TLK2: variants seen among roughly 807,000 people sequenced by gnomAD.
TLK2 encodes tousled like kinase 2, also known as serine/threonine-protein kinase tousled-like 2.
TLK2 carries 6 observed loss-of-function variants against 117.3 expected under a neutral mutation model. That is an observed-to-expected ratio of 0.05 (90% confidence interval 0.03 to 0.10). The LOEUF (loss-of-function observed/expected upper bound fraction) is 0.10, where lower values mean the gene tolerates loss of function less well. Ranked by LOEUF, TLK2 falls within the 10% of genes least tolerant of loss-of-function variation. TLK2 has a pLI of 1.00. For synonymous variants in TLK2, 257 were observed against 316.7 expected, an observed-to-expected ratio of 0.81 and a Z score of 2.00; for missense variants, 299 against 901.2, an observed-to-expected ratio of 0.33 and a Z score of 8.56.
At chr17:62,549,190 G>A (rs1243188554) in intron 7 of TLK2, among the ~76,000 whole-genome samples, 3 of 147,436 alleles carry the variant, frequency 2.0e-5, no homozygotes, top group African/African-American at 4.9e-5. Flanking sequence ...TCAGGAGATC[G>A]AAACCATCCT....
At chr17:62,555,536 G>A (rs1383681183) in intron 9 of TLK2, among the ~76,000 whole-genome samples, 3 of 147,822 alleles carry the variant, frequency 2.0e-5, no homozygotes, top group Non-Finnish European at 4.5e-5. Context: ...AGGCTGAAGT[G>A]CAGTGGCGTG....
At position 62,613,608 on chromosome 17, in the gene TLK2, CT is replaced by C. The variant is rs2083935999; in HGVS notation, c.*1045del. The C allele has an allele frequency of 1.3e-5, 2 of 152,498 alleles. No homozygotes were observed. Among genetic ancestry groups the C allele is most frequent in the South Asian group, 4.1e-4 (2 of 4,826 alleles). The allele number at this position is 152,498 out of a possible 1,614,324, so 9.4% of individuals were successfully genotyped here. A position where few individuals can be genotyped will look rare whatever the true frequency, so the allele number is the denominator to read the frequency against. On this transcript the variant is annotated 3_prime_UTR_variant, in exon 22 of 22. Transcript: ENST00000346027. ...AGTTCCTACCCATAGTCTTTGTGTG[CT>C]TGCTAAATGGTGTACATTTCTTGTT... is the stretch of plus-strand genomic sequence containing the variant.
At chr17:62,574,522 TG>T (rs1488198329) in intron 12 of TLK2, 23 of 602,940 alleles carry the variant, frequency 3.8e-5, no homozygotes, top group African/African-American at 9.1e-5. Context: ...TTGTTGTTGT[TG>T]TTTTTTTTTT....
At chr17:62,565,731 TA>T (rs1037718362) in intron 11 of TLK2, among the ~76,000 whole-genome samples, 12 of 151,502 alleles carry the variant, frequency 7.9e-5, no homozygotes, top group Non-Finnish European at 1.6e-4. Flanking sequence ...AAGAAAAACC[TA>T]GGGTTTGACT....
chr17:62,557,068 G>T, intron 9 of TLK2, among the ~76,000 whole-genome samples: 1 of 152,170 alleles, frequency 6.6e-6, no homozygotes, highest in East Asian at 1.9e-4. Context: ...GGGACTACAG[G>T]CATGTGCCAC....
At chr17:62,524,777 G>GA (rs2076264542) in intron 6 of TLK2, among the ~76,000 whole-genome samples, 1 of 152,206 alleles carries the variant, frequency 6.6e-6, no homozygotes, top group Non-Finnish European at 1.5e-5. Flanking sequence ...CTGTAAAAGA[G>GA]ATCTGAAGGT....
chr17:62,525,418 C>CT (rs1304653760), intron 6 of TLK2, among the ~76,000 whole-genome samples: 1 of 151,296 alleles, frequency 6.6e-6, no homozygotes, highest in Non-Finnish European at 1.5e-5. Context: ...GAAGTTTTGG[C>CT]TATTACTGTG....
At chr17:62,528,342 T>C (rs940869039) in intron 6 of TLK2, among the ~76,000 whole-genome samples, 8 of 152,240 alleles carry the variant, frequency 5.3e-5, no homozygotes, top group Non-Finnish European at 1.5e-5. Context: ...AAAGTTTTCA[T>C]GCAGGAGTTG....
chr17:62,538,584 T>C (rs1476022706), intron 7 of TLK2, among the ~76,000 whole-genome samples: 1 of 152,226 alleles, frequency 6.6e-6, no homozygotes, highest in Non-Finnish European at 1.5e-5. Context: ...GTATGTAGGC[T>C]TGTGGTGGAT....
intron 7 of TLK2, among the ~76,000 whole-genome samples, chr17:62,538,033 G>GTTTTTTTT (rs57512334): frequency 2.7e-4 from 29 of 106,180 alleles, no homozygotes; most frequent in South Asian, 3.6e-4. Context: ...TTAAATCTTT[G>GTTTTTTTT]TTTTTTTTTT....
intron 2 of TLK2, among the ~76,000 whole-genome samples, chr17:62,482,625 A>G (rs28484967): frequency 2.0e-5 from 3 of 151,068 alleles, no homozygotes; most frequent in African/African-American, 7.3e-5. Context: ...AATTTTTTTT[A>G]TTTTTAGTAG....
chr17:62,493,424 T>C (rs560809072), intron 2 of TLK2, among the ~76,000 whole-genome samples: 1 of 152,312 alleles, frequency 6.6e-6, no homozygotes, highest in South Asian at 2.1e-4. Flanking sequence ...TTGTGAATAG[T>C]GCTATGAAAA....
intron 2 of TLK2, among the ~76,000 whole-genome samples, chr17:62,515,161 C>G (rs573460091): frequency 3.3e-5 from 5 of 152,302 alleles, no homozygotes; most frequent in African/African-American, 1.2e-4. Context: ...ATAATGTTCT[C>G]AGGGCTTATC....
chr17:62,557,199 A>G (rs2078923945), intron 9 of TLK2, among the ~76,000 whole-genome samples: 1 of 152,204 alleles, frequency 6.6e-6, no homozygotes. Flanking sequence ...TGCTGGGATA[A>G]CAGACGTGAG....
At chr17:62,591,641 AG>A (rs1335741760) in intron 16 of TLK2, among the ~76,000 whole-genome samples, 1 of 152,208 alleles carries the variant, frequency 6.6e-6, no homozygotes, top group African/African-American at 2.4e-5. Flanking sequence ...AATGGCCAAA[AG>A]TGGCAGCTTG....
intron 17 of TLK2, chr17:62,597,306 C>T (rs895131492): frequency 1.3e-5 from 2 of 152,220 alleles, no homozygotes; most frequent in Admixed American, 1.3e-4. Context: ...ATGGTGTTGT[C>T]AAATTTCATC....
Position 62,596,648 on chromosome 17 carries a change from T to C in TLK2, c.1524T>C (p.Tyr508=). The C allele has an allele frequency of 6.2e-7, 1 of 1,614,188 alleles. No individual in the cohort carries two copies. Among genetic ancestry groups the C allele is most frequent in the Non-Finnish European group, 8.5e-7 (1 of 1,180,016 alleles). ...ELDHPRIVKL[Y]DYFSLDTDSF... ...ATCATCCCAGAATAGTTAAGCTGTA[T>C]GATTACTTTTCACTGGATACTGACT... The change falls in exon 17 of 22, where the codon TAT becomes TAC. Residue 508 remains tyrosine (Y), a synonymous_variant. Transcript: ENST00000346027.
chr17:62,521,001 C>G lies in TLK2; in HGVS notation c.153+157C>G, dbSNP rs531123191. Among the ~76,000 whole-genome samples the G allele has an allele frequency of 4.1e-4, 63 of 152,140 alleles. 1 individual carries two copies. Among genetic ancestry groups the G allele is most frequent in the Non-Finnish European group, 1.6e-4 (11 of 67,990 alleles). On this transcript the variant is annotated intron_variant, in intron 3 of 21. Coordinates refer to ENST00000346027, the MANE Select transcript of TLK2 (RefSeq NM_006852.6). ...CAGCCTGGGCAACATAGTGAGAACT[C>G]GTTTCTACAAAAAAACTTAGCAGGG...
At position 62,608,275 on chromosome 17, in the gene TLK2, AT is replaced by A. The variant is rs2083460271; in HGVS notation, c.2079+128del. 3 of 710,312 alleles carry A rather than the reference AT, an allele frequency of 4.2e-6. No individual in the cohort carries two copies. In the African/African-American group the frequency reaches 5.4e-5, roughly 13 times the overall value. 44.0% of individuals were successfully genotyped at this position (710,312 alleles called of 1,614,324 possible). A position where few individuals can be genotyped will look rare whatever the true frequency, so the allele number is the denominator to read the frequency against. On this transcript the variant is annotated intron_variant, in intron 21 of 21. Transcript: ENST00000346027. ...AGTTAATAAAAATATTAGGATAGGC[AT>A]GAATTAATGTTCCTAAGAACACTTG...
Sources: allele counts gnomAD v4.1 joint callset (sites outside exome capture counted in the v4.1 genomes callset), GRCh38; gene constraint gnomAD v4.1.1; transcripts MANE v1.5; gene names NCBI Gene and HGNC (gene_info 2026-07-23, HGNC 2026-07-21).